PDE4D: variants seen among roughly 807,000 people sequenced by gnomAD.
PDE4D encodes the protein phosphodiesterase 4D.
PDE4D carries 24 observed loss-of-function variants against 87.4 expected under a neutral mutation model. The observed-to-expected ratio is 0.27, with a 90% CI of 0.20 to 0.39. PDE4D has a LOEUF of 0.39. PDE4D is among the 10% of genes least tolerant of loss of function. PDE4D has a pLI of 1.00. For missense variants in PDE4D, 714 were observed against 1,041.0 expected (o/e 0.69, Z 4.32); for synonymous variants, 384 against 383.2 (o/e 1.00, Z -0.02).
At chr5:59,202,035 T>TTTA (rs1251154881) in intron 2 of PDE4D, among the ~76,000 whole-genome samples, 3 of 134,570 alleles carry the variant, frequency 2.2e-5, no homozygotes, top group Non-Finnish European at 3.2e-5. Context: ...TTTTGATCAT[T>TTTA]TTTTTTTTTT....
intron 1 of PDE4D, among the ~76,000 whole-genome samples, chr5:59,884,862 T>G (rs569850170): frequency 7.5e-6 from 1 of 132,718 alleles, no homozygotes; most frequent in Admixed American, 8.2e-5. Context: ...TGAAAAATTG[T>G]TTCAGTTTTT....
At chr5:59,554,287 T>C (rs755977699) in intron 1 of PDE4D, among the ~76,000 whole-genome samples, 1 of 152,234 alleles carries the variant, frequency 6.6e-6, no homozygotes, top group African/African-American at 2.4e-5. Context: ...GAACTTTATA[T>C]GTATCAACTT....
intron 5 of PDE4D, among the ~76,000 whole-genome samples, chr5:59,179,284 T>G (rs556699347): frequency 6.6e-6 from 1 of 152,136 alleles, no homozygotes; most frequent in Non-Finnish European, 1.5e-5. Context: ...GTATTTTTAG[T>G]AGAGATGGGG....
At chr5:59,972,383 GT>G (rs1760878427) in intron 3 of PDE4D, among the ~76,000 whole-genome samples, 1 of 152,164 alleles carries the variant, frequency 6.6e-6, no homozygotes, top group Non-Finnish European at 1.5e-5. Flanking sequence ...CAAGGACTGT[GT>G]TTCCTAAATT....
intron 3 of PDE4D, among the ~76,000 whole-genome samples, chr5:59,930,220 T>C (rs1418645145): frequency 6.7e-6 from 1 of 149,916 alleles, no homozygotes; most frequent in African/African-American, 2.5e-5. Context: ...ATCTGGAACC[T>C]GTAAATGTGA....
At chr5:60,198,253 A>C (rs190057196) in intron 1 of PDE4D, among the ~76,000 whole-genome samples, 14 of 151,300 alleles carry the variant, frequency 9.3e-5, no homozygotes, top group Non-Finnish European at 1.9e-4. Context: ...CCTTGTTTTA[A>C]TTCCTTTGTT....
At chr5:60,247,744 C>T (rs1441112243) in intron 1 of PDE4D, among the ~76,000 whole-genome samples, 2 of 151,922 alleles carry the variant, frequency 1.3e-5, no homozygotes, top group African/African-American at 4.8e-5. Context: ...CACACACACA[C>T]AAGACAGAGA....
At chr5:60,175,313 A>G (rs1462226260) in intron 2 of PDE4D, among the ~76,000 whole-genome samples, 1 of 152,148 alleles carries the variant, frequency 6.6e-6, no homozygotes, top group Non-Finnish European at 1.5e-5. Context: ...GAAATTACCT[A>G]TCTGATCTCA....
At chr5:59,643,356 C>A (rs1741921489) in intron 1 of PDE4D, among the ~76,000 whole-genome samples, 1 of 152,094 alleles carries the variant, frequency 6.6e-6, no homozygotes, top group Non-Finnish European at 1.5e-5. Flanking sequence ...CTGCACAGGC[C>A]CCCTCTTGAG....
intron 3 of PDE4D, among the ~76,000 whole-genome samples, chr5:59,943,759 T>A (rs1223454561): frequency 6.6e-6 from 1 of 152,186 alleles, no homozygotes; most frequent in Non-Finnish European, 1.5e-5. Context: ...CTTTTTTAGG[T>A]GTTCCAATTG....
rs949294754 is a variant in PDE4D at position 59,988,144 on chromosome 5, T to A, written c.272+344A>T. The A allele has an allele frequency of 2.1e-5, 4 of 187,752 alleles. No homozygotes were observed. In the East Asian group the frequency reaches 4.0e-4, roughly 19 times the overall value. 11.6% of individuals were successfully genotyped at this position (187,752 alleles called of 1,614,324 possible). ...ATTTCCTATTGTTTCTAGACATGTA[T>A]CACTACATGGTAATTTGTCCATTAG... On this transcript the variant is annotated intron_variant, in intron 3 of 16. Transcript: ENST00000502484.
chr5:60,501,385 T>G (rs2150246221), intron 1 of PDE4D, among the ~76,000 whole-genome samples: 1 of 152,030 alleles, frequency 6.6e-6, no homozygotes, highest in East Asian at 1.9e-4. Flanking sequence ...CACATTTTCT[T>G]AATCCAGTCT....
chr5:59,958,373 A>C (rs1759093804), intron 3 of PDE4D, among the ~76,000 whole-genome samples: 1 of 152,146 alleles, frequency 6.6e-6, no homozygotes, highest in Non-Finnish European at 1.5e-5. Flanking sequence ...AGGATATATT[A>C]CCAAGCATGG....
chr5:59,070,643 A>G (rs1166099742), intron 5 of PDE4D, among the ~76,000 whole-genome samples: 1 of 152,184 alleles, frequency 6.6e-6, no homozygotes, highest in Non-Finnish European at 1.5e-5. Context: ...TAAGCAGCTA[A>G]ACTATGTAAC....
chr5:59,239,907 C>T (rs1022379637), intron 1 of PDE4D, among the ~76,000 whole-genome samples: 5 of 152,152 alleles, frequency 3.3e-5, no homozygotes, highest in Admixed American at 1.3e-4. Flanking sequence ...TGTGAAAGCA[C>T]CTAGAACAGA....
At chr5:59,137,921 A>G (rs549425901) in intron 5 of PDE4D, among the ~76,000 whole-genome samples, 9 of 152,358 alleles carry the variant, frequency 5.9e-5, no homozygotes, top group East Asian at 5.8e-4. Flanking sequence ...GACACTTTCT[A>G]TGTGACTCAG....
At chr5:59,663,620 TA>T (rs1745607191) in intron 1 of PDE4D, among the ~76,000 whole-genome samples, 1 of 152,216 alleles carries the variant, frequency 6.6e-6, no homozygotes, top group Non-Finnish European at 1.5e-5. Flanking sequence ...ATAACAATTA[TA>T]ATAATTGTTT....
At chr5:59,377,363 G>A (rs900168655) in intron 1 of PDE4D, among the ~76,000 whole-genome samples, 3 of 151,232 alleles carry the variant, frequency 2.0e-5, no homozygotes, top group Non-Finnish European at 4.4e-5. Flanking sequence ...GTTGCAGTGA[G>A]CTGAGATCAT....
At chr5:60,012,966 CA>C (rs748493940) in intron 2 of PDE4D, among the ~76,000 whole-genome samples, 2 of 152,102 alleles carry the variant, frequency 1.3e-5, no homozygotes, top group Non-Finnish European at 2.9e-5. Flanking sequence ...TCCAAACTAC[CA>C]AATTTTTCTC....
Sources: allele counts gnomAD v4.1 joint callset (sites outside exome capture counted in the v4.1 genomes callset), GRCh38; gene constraint gnomAD v4.1.1; transcripts MANE v1.5; gene names NCBI Gene and HGNC (gene_info 2026-07-23, HGNC 2026-07-21).